The following TSNAXIP1 variants were observed in gnomAD, a reference collection of about 807,000 sequenced individuals.
TSNAXIP1 encodes translin associated factor X interacting protein 1.
TSNAXIP1 carries 89 observed loss-of-function variants against 84.8 expected under a neutral mutation model. The observed-to-expected ratio is 1.05, with a 90% confidence interval of 0.88 to 1.25. The LOEUF (loss-of-function observed/expected upper bound fraction) is 1.25, where lower values mean the gene tolerates loss of function less well. TSNAXIP1 is among the 50% of genes most tolerant of loss of function. TSNAXIP1 has a pLI of 0.00. For missense variants in TSNAXIP1, 874 were observed against 887.6 expected (o/e 0.98, Z 0.20); for synonymous variants, 347 against 335.2 (o/e 1.04, Z -0.39).
At chr16:67,826,929 G>A in intron 12 of TSNAXIP1, 34 bp from the exon 13 acceptor site, 1 of 1,613,288 alleles carries the variant, frequency 6.2e-7, no homozygotes, top group Non-Finnish European at 8.5e-7. Context: ...CCACTCCCAG[G>A]AACAGCAGGT....
intron 1 of TSNAXIP1, among the ~76,000 whole-genome samples, chr16:67,810,061 G>T (rs1464747653): frequency 6.6e-6 from 1 of 152,158 alleles, no homozygotes; most frequent in East Asian, 1.9e-4. Context: ...TTCTCTTAGA[G>T]ACACTGTGGA....
At chr16:67,815,995 G>C (rs2056517888) in intron 2 of TSNAXIP1, among the ~76,000 whole-genome samples, 2 of 133,712 alleles carry the variant, frequency 1.5e-5, no homozygotes, top group Non-Finnish European at 3.1e-5. Context: ...TTTTGAGACG[G>C]AATCTCGCTG....
chr16:67,814,601 T>G (rs140686292), intron 2 of TSNAXIP1, among the ~76,000 whole-genome samples, 200 bp downstream of exon 2: 20 of 152,242 alleles, frequency 1.3e-4, no homozygotes, highest in Non-Finnish European at 2.4e-4. Flanking sequence ...GTACACTGGC[T>G]GCCTGCTCCT....
At chr16:67,810,909 T>G (rs765501852) in intron 1 of TSNAXIP1, among the ~76,000 whole-genome samples, 1 of 151,794 alleles carries the variant, frequency 6.6e-6, no homozygotes, top group Non-Finnish European at 1.5e-5. Flanking sequence ...CTGGCTAATT[T>G]TTTGTATTTT....
At chr16:67,812,374 T>TA (rs957395981) in intron 1 of TSNAXIP1, among the ~76,000 whole-genome samples, 3 of 150,908 alleles carry the variant, frequency 2.0e-5, no homozygotes, top group East Asian at 1.9e-4. Context: ...TTTATTTATT[T>TA]AAAAAAAAAT....
intron 4 of TSNAXIP1, among the ~76,000 whole-genome samples, chr16:67,822,798 C>T (rs2057168173): frequency 6.6e-6 from 1 of 152,150 alleles, no homozygotes; most frequent in Non-Finnish European, 1.5e-5. Flanking sequence ...ACCACTATGG[C>T]GTAGTGGGGC....
Position 67,824,680 on chromosome 16 carries a change from T to C in TSNAXIP1, c.579T>C (p.Ala193=), listed in dbSNP as rs1567768043. ...ATGAGAGGATCCTGGCCATGAGAGC[T>C]GAGGAGAAATATGAAATCTCCCTGC... ...DCNERILAMR[A]EEKYEISLLK... is the part of the protein sequence containing the mutation. The change falls in exon 6 of 16, where the codon GCT becomes GCC. Residue 193 remains alanine (A), a synonymous_variant. Coordinates refer to ENST00000561639, the MANE Select transcript of TSNAXIP1 (RefSeq NM_001288990.3). 1 of 1,614,090 alleles carries C rather than the reference T, an allele frequency of 6.2e-7. No individual in the cohort carries two copies. The highest frequency in any genetic ancestry group is 1.7e-5 in the Admixed American group (1 of 59,986).
intron 2 of TSNAXIP1, among the ~76,000 whole-genome samples, chr16:67,814,819 T>C (rs2056407793): frequency 6.6e-6 from 1 of 152,188 alleles, no homozygotes; most frequent in Admixed American, 6.6e-5. Context: ...TCTATCTTTA[T>C]GGCCCTAGAA....
rs1567773154 is a variant in TSNAXIP1, at chr16:67,825,776, T to C, written c.924T>C (p.Asp308=). Reference sequence around the variant, plus strand: ...ACAACATGAAGGCCAACTTTGGAGATGTGGTCCCCAGGAGGGACTTTGAAA... The same window carrying C: ...ACAACATGAAGGCCAACTTTGGAGACGTGGTCCCCAGGAGGGACTTTGAAA... ...ELNNMKANFG[D]VVPRRDFEMQ... Residue 308 remains aspartate, a synonymous_variant, in exon 8 of 16, where the codon GAT becomes GAC. Coordinates refer to ENST00000561639, the MANE Select transcript of TSNAXIP1 (RefSeq NM_001288990.3). The C allele has an allele frequency of 6.2e-7, 1 of 1,614,082 alleles. No homozygotes were observed. Among genetic ancestry groups the C allele is most frequent in the Admixed American group, 1.7e-5 (1 of 60,014 alleles).
chr16:67,825,172 C>T lies in TSNAXIP1; in HGVS notation c.714C>T (p.Tyr238=), dbSNP rs2151261755. The part of the protein sequence containing the change: ...TKLRKNLAEE[Y]LHYLSERDAC... ...TGAGGAAGAACTTGGCTGAGGAGTACCTGCACTACCTCAGTGAGCGAGATG... is the reference window on the plus strand; with the variant it reads ...TGAGGAAGAACTTGGCTGAGGAGTATCTGCACTACCTCAGTGAGCGAGATG... Residue 238 remains tyrosine (Y), a synonymous_variant, in exon 7 of 16, where the codon TAC becomes TAT. Coordinates refer to ENST00000561639, the MANE Select transcript of TSNAXIP1 (RefSeq NM_001288990.3). The T allele has an allele frequency of 6.2e-7, 1 of 1,614,122 alleles. No homozygotes were observed. Among genetic ancestry groups the T allele is most frequent in the East Asian group, 2.2e-5 (1 of 44,884 alleles).
In TSNAXIP1 at chr16:67,807,123, T is replaced by G; in HGVS notation, c.-27T>G. On this transcript the variant is annotated 5_prime_UTR_variant, in exon 1 of 16. Transcript: ENST00000561639. ...CTACCACAGCTTCCCAGGCCGCGGGTGCTGATTGCCCGCCTGCCCGTGGGT... is the reference window on the plus strand; with the variant it reads ...CTACCACAGCTTCCCAGGCCGCGGGGGCTGATTGCCCGCCTGCCCGTGGGT... 6.5e-7 allele frequency: 1 copy of G among 1,533,268 alleles called. No homozygotes were observed. Among genetic ancestry groups the G allele is most frequent in the Non-Finnish European group, 8.7e-7 (1 of 1,146,046 alleles). 95.0% of individuals were successfully genotyped at this position (1,533,268 alleles called of 1,614,324 possible). A position where few individuals can be genotyped will look rare whatever the true frequency, so the allele number is the denominator to read the frequency against.
At position 67,827,386 on chromosome 16, in the gene TSNAXIP1, G is replaced by A; in HGVS notation, c.1791+11G>A. On this transcript the variant is annotated intron_variant, in intron 14 of 15. Coordinates refer to ENST00000561639, the MANE Select transcript of TSNAXIP1 (RefSeq NM_001288990.3). ...TCACTGTTTATGGAGGTGGGTGTGT[G>A]GGGTCCGGGGACTGGCCTGGCCCCT... 6.2e-7 allele frequency: 1 copy of A among 1,614,182 alleles called. No homozygotes were observed. The highest frequency in any genetic ancestry group is 8.5e-7 in the Non-Finnish European group (1 of 1,180,006).
At chr16:67,819,577 A>G (rs1051839002) in intron 2 of TSNAXIP1, among the ~76,000 whole-genome samples, 2 of 151,656 alleles carry the variant, frequency 1.3e-5, no homozygotes, top group African/African-American at 4.8e-5. Flanking sequence ...CCCGGCCAGA[A>G]TAGCTAATCT....
chr16:67,815,035 G>C (rs1239579617), intron 2 of TSNAXIP1, among the ~76,000 whole-genome samples: 1 of 150,938 alleles, frequency 6.6e-6, no homozygotes, highest in South Asian at 2.1e-4. Context: ...AAAAAAAAAA[G>C]AGCCGGGCGC....
chr16:67,821,256 C>A, intron 4 of TSNAXIP1, 31 bp downstream of exon 4: 2 of 711,736 alleles, frequency 2.8e-6, no homozygotes, highest in South Asian at 1.4e-5. Context: ...TTGGGGAGGG[C>A]GGGGGAAGGG....
chr16:67,824,880 C>A, intron 6 of TSNAXIP1, 101 bp downstream of exon 6: 1 of 1,284,238 alleles, frequency 7.8e-7, no homozygotes, highest in Non-Finnish European at 1.1e-6. Flanking sequence ...CGGAGAGTGA[C>A]ACACTGAGCC....
rs923470737 is a variant in TSNAXIP1, at chr16:67,806,957, T to C, written c.-193T>C. 1 of 859,270 alleles carries C rather than the reference T, an allele frequency of 1.2e-6. No homozygotes were observed. The highest frequency in any genetic ancestry group is 1.7e-5 in the African/African-American group (1 of 58,624). 53.2% of individuals were successfully genotyped at this position (859,270 alleles called of 1,614,324 possible). On this transcript the variant is annotated 5_prime_UTR_variant, in exon 1 of 16. Coordinates refer to ENST00000561639, the MANE Select transcript of TSNAXIP1 (RefSeq NM_001288990.3). ...AGTGGTTGACTCTCAGGGCACCCGC[T>C]GCCGGGTCCCAGTCCACCTTTGCTA...
Position 67,827,881 on chromosome 16 carries a change from AG to A in TSNAXIP1, c.2030del (p.Gly677ValfsTer21), listed in dbSNP as rs770256350. 1 of 1,614,062 alleles carries A rather than the reference AG, an allele frequency of 6.2e-7. No individual in the cohort carries two copies. The highest frequency in any genetic ancestry group is 1.1e-5 in the South Asian group (1 of 91,082). ...CTCCCTGAGTCGGAAATGCCAGAGG[AG>A]GGTGACGAGAAGGAAGAAGCCGTGG... is the stretch of plus-strand genomic sequence containing the variant. ...FQLPESEMPE[E>X]GDEKEEAVVE... On this transcript the variant is annotated frameshift_variant, in exon 16 of 16. Transcript: ENST00000561639. LOFTEE classifies it low-confidence loss of function (END_TRUNC).
Position 67,827,523 on chromosome 16 carries a change from CATGG to C in TSNAXIP1, c.1846_1849del (p.Asp616ArgfsTer9), listed in dbSNP as rs752517958. ...TTGTGCAAAAACTCTGGGAACAATA[CATGG>C]ATGAGAAGGACGAGTACTTACAGCA... On this transcript the variant is annotated frameshift_variant, in exon 15 of 16. Coordinates refer to ENST00000561639, the MANE Select transcript of TSNAXIP1 (RefSeq NM_001288990.3). LOFTEE classifies it high-confidence loss of function. The C allele has an allele frequency of 2.5e-6, 4 of 1,614,064 alleles. No homozygotes were observed. The African/African-American group carries it at 5.3e-5, about 22-fold the overall frequency.
Sources: gnomAD v4.1 joint callset for allele counts (sites outside exome capture counted in the v4.1 genomes callset) on GRCh38, gnomAD v4.1.1 for gene constraint, MANE v1.5 for transcripts, NCBI Gene and HGNC (gene_info 2026-07-23, HGNC 2026-07-21) for gene names.